Variants in TBC1D16 observed in about 807,000 individuals in gnomAD.
TBC1D16 encodes the protein TBC1 domain family member 16.
TBC1D16 carries 58 observed loss-of-function variants against 74.7 expected under a neutral mutation model. The ratio of observed to expected loss-of-function variants is 0.78; its 90% CI spans 0.63 to 0.97. The LOEUF is 0.97. Ranked by LOEUF, TBC1D16 falls within the 50% of genes least tolerant of loss-of-function variation. TBC1D16 has a pLI of 0.00. For missense variants in TBC1D16, 1,014 were observed against 1,079.5 expected, an observed-to-expected ratio of 0.94 and a Z score of 0.85; for synonymous variants, 493 against 474.7, an observed-to-expected ratio of 1.04 and a Z score of -0.50.
chr17:79,967,539 G>T (rs150850920), intron 3 of TBC1D16, among the ~76,000 whole-genome samples: 2 of 152,048 alleles, frequency 1.3e-5, no homozygotes, highest in Non-Finnish European at 2.9e-5. Context: ...CACAATACAC[G>T]TACACACACA....
At chr17:79,996,846 A>G (rs976199758) in intron 3 of TBC1D16, among the ~76,000 whole-genome samples, 2 of 152,216 alleles carry the variant, frequency 1.3e-5, no homozygotes, top group Non-Finnish European at 2.9e-5. Context: ...AACCCCACAC[A>G]TGAATGTTCC....
At chr17:80,025,130 C>CATACACACA in intron 1 of TBC1D16, among the ~76,000 whole-genome samples, 1 of 72,824 alleles carries the variant, frequency 1.4e-5, no homozygotes, top group South Asian at 4.9e-4. Flanking sequence ...GACACACACA[C>CATACACACA]ACCATAGGCA....
At position 79,940,149 on chromosome 17, in the gene TBC1D16, T is replaced by C. The variant is rs949415047; in HGVS notation, c.*710A>G. ...TCCAACAGCCTGAGGCTCAGGCTCCTGGGCAGACAGTTCCCTTCGTGTACC... is the reference window on the plus strand; with the variant it reads ...TCCAACAGCCTGAGGCTCAGGCTCCCGGGCAGACAGTTCCCTTCGTGTACC... On this transcript the variant is annotated 3_prime_UTR_variant, in exon 12 of 12. Transcript: ENST00000310924. This position sits in a 1 kb window ranked among gnomAD's most constrained non-coding sequence, Gnocchi z 5.4. 1.3e-5 allele frequency: 2 copies of C among 152,198 alleles called. No individual in the cohort carries two copies. Among genetic ancestry groups the C allele is most frequent in the African/African-American group, 4.8e-5 (2 of 41,444 alleles). 9.4% of individuals were successfully genotyped at this position (152,198 alleles called of 1,614,324 possible).
intron 3 of TBC1D16, among the ~76,000 whole-genome samples, chr17:80,002,690 T>C (rs2035536081): frequency 6.6e-6 from 1 of 152,234 alleles, no homozygotes; most frequent in Non-Finnish European, 1.5e-5. Flanking sequence ...CTGTCAGGCA[T>C]GGAGGCCTCC....
chr17:79,993,124 G>A lies in TBC1D16; in HGVS notation c.779+17036C>T, dbSNP rs934127526. Among the ~76,000 whole-genome samples the A allele has an allele frequency of 3.3e-5, 5 of 152,220 alleles. No individual in the cohort carries two copies. The East Asian group carries it at 9.6e-4, about 29-fold the overall frequency. ...AGCGCCAGCCCCATTGTGCAGAGGG[G>A]AAACTGAGGCAATGAGGGTAATAAC... On this transcript the variant is annotated intron_variant, in intron 3 of 11. Transcript: ENST00000310924. This position sits in a 1 kb window ranked among gnomAD's most constrained non-coding sequence, Gnocchi z 5.1.
At chr17:79,974,488 T>C (rs1263912415) in intron 3 of TBC1D16, among the ~76,000 whole-genome samples, 2 of 152,196 alleles carry the variant, frequency 1.3e-5, no homozygotes, top group African/African-American at 4.8e-5. Flanking sequence ...TCCACCTGCC[T>C]TGGCCTCCCC....
At chr17:80,017,572 T>A (rs946022252) in intron 1 of TBC1D16, among the ~76,000 whole-genome samples, 2 of 149,376 alleles carry the variant, frequency 1.3e-5, no homozygotes, top group Admixed American at 6.8e-5. Context: ...TCCCAGCTAC[T>A]CGGGAGGCTC....
In TBC1D16 at chr17:79,949,874, A is replaced by C. The variant is rs375388988; in HGVS notation, c.1258-9T>G. The stretch of plus-strand genomic sequence containing the variant: ...CCGCCAAAGAAAATGGCCTGGAGGA[A>C]GCGGCAAAAGTTGGGGAGGGGATAA... On this transcript the variant is annotated splice_polypyrimidine_tract_variant and intron_variant, in intron 6 of 11. Transcript: ENST00000310924. The C allele has an allele frequency of 8.7e-6, 14 of 1,610,528 alleles. No individual in the cohort carries two copies. Among genetic ancestry groups the C allele is most frequent in the South Asian group, 1.1e-5 (1 of 91,006 alleles).
At chr17:79,942,366 G>A (rs992577256) in intron 10 of TBC1D16, among the ~76,000 whole-genome samples, 160 bp from the exon 11 acceptor site, 4 of 152,164 alleles carry the variant, frequency 2.6e-5, no homozygotes, top group Admixed American at 6.5e-5. Context: ...AAGCTGCACC[G>A]CCTCTTCGGC....
intron 3 of TBC1D16, among the ~76,000 whole-genome samples, chr17:79,965,273 G>C (rs1452378089): frequency 1.3e-5 from 2 of 151,812 alleles, no homozygotes; most frequent in African/African-American, 4.8e-5. Context: ...GTAGAGACAG[G>C]GTTTCACCAT....
In TBC1D16 at chr17:80,001,707, T is replaced by C. The variant is rs11871947; in HGVS notation, c.779+8453A>G. Among the ~76,000 whole-genome samples the C allele has an allele frequency of 0.4, 61,336 of 151,726 alleles. 13,238 individuals are homozygous for C. Among genetic ancestry groups the C allele is most frequent in the African/African-American group, 0.55 (22,901 of 41,336 alleles). On this transcript the variant is annotated intron_variant, in intron 3 of 11. Transcript: ENST00000310924. This position sits in a 1 kb window ranked among gnomAD's most constrained non-coding sequence, Gnocchi z 5.8. ...CCCCTGGGTGGCGGCAGCTCCTGGA[T>C]ATCTGTGCTGCACCTGCCCCTGGTC...
At chr17:80,029,441 G>A (rs192581727) in intron 1 of TBC1D16, among the ~76,000 whole-genome samples, 2 of 152,072 alleles carry the variant, frequency 1.3e-5, no homozygotes, top group Non-Finnish European at 2.9e-5. Context: ...TCCCCTAGGA[G>A]CCACTTGGCC....
At chr17:79,966,304 C>A (rs2033839903) in intron 3 of TBC1D16, among the ~76,000 whole-genome samples, 1 of 152,140 alleles carries the variant, frequency 6.6e-6, no homozygotes, top group Non-Finnish European at 1.5e-5. Context: ...ATTGCAAAGA[C>A]CCTATTTCCA....
At chr17:79,996,989 G>T (rs767041459) in intron 3 of TBC1D16, among the ~76,000 whole-genome samples, 7 of 152,148 alleles carry the variant, frequency 4.6e-5, no homozygotes, top group Non-Finnish European at 8.8e-5. Flanking sequence ...AGGACAGCTT[G>T]GATAGAGCTT....
At chr17:80,026,406 CAGA>C (rs1178675828) in intron 1 of TBC1D16, among the ~76,000 whole-genome samples, 1 of 149,944 alleles carries the variant, frequency 6.7e-6, no homozygotes, top group Non-Finnish European at 1.5e-5. Flanking sequence ...GCCTGGGTGA[CAGA>C]GGGAGACTCT....
chr17:79,976,139 A>T (rs1012820575), intron 3 of TBC1D16, among the ~76,000 whole-genome samples: 6 of 152,086 alleles, frequency 3.9e-5, no homozygotes, highest in African/African-American at 1.4e-4. Flanking sequence ...TCAAATAAGA[A>T]CCAACCTATA....
chr17:79,942,320 C>T (rs917851100), intron 10 of TBC1D16, 114 bp from the exon 11 acceptor site: 6 of 1,203,020 alleles, frequency 5.0e-6, no homozygotes, highest in African/African-American at 4.6e-5. Flanking sequence ...GGGGTCTGGG[C>T]TCACAGCCCA....
At chr17:79,949,974 A>C in intron 6 of TBC1D16, 109 bp from the exon 7 acceptor site, 1 of 1,326,720 alleles carries the variant, frequency 7.5e-7, no homozygotes, top group Non-Finnish European at 1.0e-6. Flanking sequence ...CTTGATTCAG[A>C]TCTCTGCAAT....
rs904094880 is a variant in TBC1D16, at chr17:79,990,635, G to A, written c.779+19525C>T. ...ATTCACCACCTTAACCGTTTTCAAC[G>A]TCGAGCCCAGTGGCATTATACCATT... On this transcript the variant is annotated intron_variant, in intron 3 of 11. Coordinates refer to ENST00000310924, the MANE Select transcript of TBC1D16 (RefSeq NM_019020.4). The surrounding 1 kb of genome is among the most constrained non-coding windows in gnomAD (Gnocchi z 4.8). Among the ~76,000 whole-genome samples the A allele has an allele frequency of 1.3e-5, 2 of 152,126 alleles. No homozygotes were observed. The highest frequency in any genetic ancestry group is 2.4e-5 in the African/African-American group (1 of 41,434).
Sources: gnomAD v4.1 joint callset for allele counts (sites outside exome capture counted in the v4.1 genomes callset) on GRCh38, gnomAD v4.1.1 for gene constraint, Gnocchi (gnomAD v3.1) non-coding constraint, MANE v1.5 for transcripts, NCBI Gene and HGNC (gene_info 2026-07-23, HGNC 2026-07-21) for gene names.